TEX11: variants seen among roughly 807,000 people sequenced by gnomAD.
The protein encoded by TEX11 is testis-expressed protein 11.
A neutral mutation model predicts 84.4 loss-of-function variants in TEX11; 7 were observed. The observed-to-expected ratio is 0.08, with a 90% CI of 0.05 to 0.16. TEX11 has a LOEUF of 0.16. Ranked by LOEUF, TEX11 falls within the 10% of genes least tolerant of loss-of-function variation. TEX11 has a pLI of 1.00. For synonymous variants in TEX11, 264 were observed against 222.8 expected, an observed-to-expected ratio of 1.18 and a Z score of -1.64; for missense variants, 551 against 660.5, an observed-to-expected ratio of 0.83 and a Z score of 1.82.
intron 9 of TEX11, among the ~76,000 whole-genome samples, chrX:70,749,681 A>C (rs1270661568): frequency 2.0e-5 from 2 of 100,895 alleles, no homozygotes; most frequent in Non-Finnish European, 4.0e-5. Flanking sequence ...TGAGATAATC[A>C]TGTGGTTTTT....
chrX:70,875,543 A>C (rs775806919), intron 3 of TEX11, among the ~76,000 whole-genome samples: 2 of 105,713 alleles, frequency 1.9e-5, no homozygotes, highest in South Asian at 4.5e-4. Flanking sequence ...GTTCGAGACC[A>C]GCCTGGCCAA....
intron 4 of TEX11, among the ~76,000 whole-genome samples, chrX:70,870,072 C>T (rs1008947408): frequency 1.8e-5 from 2 of 111,655 alleles, no homozygotes; most frequent in Non-Finnish European, 3.8e-5. Context: ...TTTGAACATC[C>T]GCTTTACTCT....
At chrX:70,538,100 A>C (rs2147932169) in intron 28 of TEX11, among the ~76,000 whole-genome samples, 1 of 111,676 alleles carries the variant, frequency 9.0e-6, no homozygotes, top group African/African-American at 3.2e-5. Context: ...TCTTCAGGGA[A>C]GATTCTGCTT....
intron 3 of TEX11, among the ~76,000 whole-genome samples, chrX:70,878,168 CTT>C (rs34459152): frequency 1.4e-5 from 1 of 72,538 alleles, no homozygotes; most frequent in Non-Finnish European, 2.5e-5. Flanking sequence ...CTCTATCCCT[CTT>C]TTTTTTTTTT....
chrX:70,565,842 C>T (rs1339030234), intron 25 of TEX11, among the ~76,000 whole-genome samples: 2 of 111,639 alleles, frequency 1.8e-5, no homozygotes, highest in South Asian at 3.8e-4. Context: ...TAGCTTGATG[C>T]CTCCAACTTT....
At chrX:70,657,179 C>A (rs1440810652) in intron 16 of TEX11, among the ~76,000 whole-genome samples, 1 of 111,278 alleles carries the variant, frequency 9.0e-6, no homozygotes, top group Non-Finnish European at 1.9e-5. Context: ...TAAACTTAAA[C>A]GTACATAGCC....
At chrX:70,824,745 A>G (rs2091335935) in intron 8 of TEX11, among the ~76,000 whole-genome samples, 1 of 111,614 alleles carries the variant, frequency 9.0e-6, no homozygotes, top group African/African-American at 3.3e-5. Flanking sequence ...TACAACCTTA[A>G]TAACCAGGAA....
At chrX:70,712,113 T>C (rs969267667) in intron 13 of TEX11, among the ~76,000 whole-genome samples, 5 of 111,487 alleles carry the variant, frequency 4.5e-5, no homozygotes, top group Non-Finnish European at 7.5e-5. Context: ...TATGTGGCAT[T>C]ATTTCTGAGG....
intron 2 of TEX11, among the ~76,000 whole-genome samples, chrX:70,886,227 T>C (rs1207225142): frequency 1.8e-5 from 2 of 111,897 alleles, no homozygotes; most frequent in Non-Finnish European, 3.8e-5. Context: ...AAAGAAAATG[T>C]GGTATATACA....
chrX:70,554,613 G>C, intron 26 of TEX11, 38 bp downstream of exon 26: 1 of 1,136,823 alleles, frequency 8.8e-7, no homozygotes, highest in Non-Finnish European at 1.2e-6. Flanking sequence ...CGATCTAAAT[G>C]GGCACCAGCC....
At chrX:70,593,240 C>T (rs190275513) in intron 24 of TEX11, among the ~76,000 whole-genome samples, 15 of 111,692 alleles carry the variant, frequency 1.3e-4, no homozygotes, top group Non-Finnish European at 2.4e-4. Flanking sequence ...TCACTGTCAT[C>T]CTTTACCAGA....
chrX:70,790,994 G>A (rs905273931), intron 9 of TEX11, among the ~76,000 whole-genome samples: 62 of 111,755 alleles, frequency 5.5e-4, no homozygotes, highest in Admixed American at 3.8e-4. Context: ...ACAACATGCA[G>A]GTTTGTTACA....
chrX:70,753,087 A>G (rs956710236), intron 9 of TEX11, among the ~76,000 whole-genome samples: 2 of 108,987 alleles, frequency 1.8e-5, no homozygotes, highest in Non-Finnish European at 3.8e-5. Context: ...ACCGTGGGCT[A>G]AAGTACTGTG....
At chrX:70,546,225 T>C (rs189199561) in intron 28 of TEX11, among the ~76,000 whole-genome samples, 42 of 111,883 alleles carry the variant, frequency 3.8e-4, no homozygotes, top group Admixed American at 8.5e-4. Context: ...ATTTAGACCC[T>C]ACCTCACACT....
At chrX:70,750,967 A>T (rs1209280421) in intron 9 of TEX11, among the ~76,000 whole-genome samples, 3 of 52,064 alleles carry the variant, frequency 5.8e-5, no homozygotes, top group Admixed American at 1.9e-4. Flanking sequence ...TATATATATA[A>T]AAGTCAGGAC....
chrX:70,729,535 G>C (rs930969037), intron 11 of TEX11, among the ~76,000 whole-genome samples: 2 of 111,689 alleles, frequency 1.8e-5, no homozygotes, highest in African/African-American at 6.5e-5. Flanking sequence ...TAGCGGATTC[G>C]ATCAACTGGA....
chrX:70,560,963 A>G (rs2088365113), intron 25 of TEX11, among the ~76,000 whole-genome samples: 1 of 83,410 alleles, frequency 1.2e-5, no homozygotes, highest in Non-Finnish European at 2.2e-5. Context: ...TGCCTAGGCC[A>G]TACTTGAACT....
At chrX:70,881,022 A>AG in intron 2 of TEX11, among the ~76,000 whole-genome samples, 1 of 106,544 alleles carries the variant, frequency 9.4e-6, no homozygotes, top group East Asian at 3.1e-4. Context: ...AAAAAAAAAA[A>AG]AAAAAAAACT....
At chrX:70,591,881 A>C (rs956709533) in intron 24 of TEX11, 58 bp from the exon 25 acceptor site, 14 of 817,628 alleles carry the variant, frequency 1.7e-5, no homozygotes, top group Admixed American at 2.7e-5. Flanking sequence ...CTTTAAGCAA[A>C]TTAATATAAT....
Sources: gnomAD v4.1 joint callset for allele counts (sites outside exome capture counted in the v4.1 genomes callset) on GRCh38, gnomAD v4.1.1 for gene constraint, MANE v1.5 for transcripts, NCBI Gene and HGNC (gene_info 2026-07-23, HGNC 2026-07-21) for gene names.